The following ABCC8 variants were observed in gnomAD, a reference collection of about 807,000 sequenced individuals.
ABCC8 encodes the protein ATP-binding cassette sub-family C member 8.
A neutral mutation model predicts 188.0 loss-of-function variants in ABCC8; 137 were observed. That is an observed-to-expected ratio of 0.73 (90% CI 0.63 to 0.84). ABCC8 has a LOEUF of 0.84. ABCC8 is among the 40% of genes least tolerant of loss of function. The probability of loss-of-function intolerance (pLI) is 0.00; values close to 1 mark genes in which losing one functional copy is unlikely to be tolerated. For synonymous variants in ABCC8, 797 were observed against 846.5 expected (o/e 0.94, Z 1.01); for missense variants, 1,750 against 2,072.7 (o/e 0.84, Z 3.02).
intron 16 of ABCC8, among the ~76,000 whole-genome samples, chr11:17,426,503 G>A (rs1955588876): frequency 1.3e-5 from 2 of 152,192 alleles, no homozygotes; most frequent in South Asian, 4.1e-4. Flanking sequence ...ACTGAGCCTG[G>A]GGTTCTGGCT....
rs202007743 is a variant in ABCC8 at position 17,461,828 on chromosome 11, G to A, written c.580-3C>T. The A allele has an allele frequency of 1.2e-6, 2 of 1,613,982 alleles. No homozygotes were observed. Among genetic ancestry groups the A allele is most frequent in the East Asian group, 2.2e-5 (1 of 44,874 alleles). On this transcript the variant is annotated splice_region_variant and splice_polypyrimidine_tract_variant and intron_variant, in intron 4 of 38. Coordinates refer to ENST00000389817, the MANE Select transcript of ABCC8 (RefSeq NM_000352.6). ...GGTGTCTTGAAGAAGATGTATCTCT[G>A]TGGGGCACATGGGCCATGGGGGATG...
intron 29 of ABCC8, among the ~76,000 whole-genome samples, chr11:17,400,796 C>T (rs1954201147): frequency 6.6e-6 from 1 of 152,192 alleles, no homozygotes; most frequent in Non-Finnish European, 1.5e-5. Context: ...TGTGGCGATT[C>T]GTACCTATGT....
intron 11 of ABCC8, among the ~76,000 whole-genome samples, chr11:17,431,317 C>T (rs1347786094): frequency 6.6e-6 from 1 of 152,216 alleles, no homozygotes; most frequent in Non-Finnish European, 1.5e-5. Context: ...ATCGGGATAA[C>T]GTAAACAGAG....
intron 12 of ABCC8, 79 bp downstream of exon 12, chr11:17,430,735 T>C: frequency 1.3e-6 from 2 of 1,494,108 alleles, no homozygotes; most frequent in South Asian, 2.3e-5. Context: ...ACAGCTGTGG[T>C]TTGGCCATCA....
At chr11:17,437,824 C>A (rs1003078625) in intron 10 of ABCC8, among the ~76,000 whole-genome samples, 13 of 152,246 alleles carry the variant, frequency 8.5e-5, no homozygotes, top group African/African-American at 3.1e-4. Flanking sequence ...TCAGGCCAGG[C>A]ACAGTGGCTC....
chr11:17,433,942 G>A (rs184093966), intron 10 of ABCC8, among the ~76,000 whole-genome samples: 156 of 152,280 alleles, frequency 1.0e-3, no homozygotes, highest in African/African-American at 3.7e-3. Context: ...CACCGTTTCC[G>A]GCAGGAAACA....
chr11:17,428,089 T>C, intron 14 of ABCC8, 147 bp from the exon 15 acceptor site: 2 of 1,583,820 alleles, frequency 1.3e-6, no homozygotes, highest in South Asian at 1.1e-5. Flanking sequence ...AGTGGGAGAC[T>C]GGCCTTCTCA....
chr11:17,401,518 G>A (rs1396989139), intron 29 of ABCC8, among the ~76,000 whole-genome samples: 1 of 152,182 alleles, frequency 6.6e-6, no homozygotes, highest in Non-Finnish European at 1.5e-5. Context: ...GGGGTTGGGG[G>A]GAGGAGATGT....
chr11:17,402,481 G>T (rs1249422604), intron 29 of ABCC8, among the ~76,000 whole-genome samples, 180 bp downstream of exon 29: 2 of 152,164 alleles, frequency 1.3e-5, no homozygotes, highest in African/African-American at 4.8e-5. Context: ...ACATTCAGTG[G>T]GAGCCCACCT....
chr11:17,473,587 C>T (rs571883277), intron 2 of ABCC8, among the ~76,000 whole-genome samples: 2 of 152,180 alleles, frequency 1.3e-5, no homozygotes, highest in Admixed American at 6.5e-5. Context: ...TATCCCTCTC[C>T]TCCACCACTC....
intron 10 of ABCC8, among the ~76,000 whole-genome samples, chr11:17,433,661 T>C (rs1371969187): frequency 6.6e-6 from 1 of 151,496 alleles, no homozygotes. Context: ...CCCTTAGGAG[T>C]TCTCAAGCAG....
chr11:17,440,269 T>A (rs1033843572), intron 10 of ABCC8, among the ~76,000 whole-genome samples: 1 of 152,146 alleles, frequency 6.6e-6, no homozygotes, highest in Non-Finnish European at 1.5e-5. Flanking sequence ...AGAAGCCCTC[T>A]CCCACCTCGG....
At chr11:17,424,807 G>C (rs1955509978) in intron 16 of ABCC8, among the ~76,000 whole-genome samples, 1 of 152,214 alleles carries the variant, frequency 6.6e-6, no homozygotes, top group Non-Finnish European at 1.5e-5. Context: ...TTGAGGGAAA[G>C]AACATGGGCA....
At position 17,406,871 on chromosome 11, in the gene ABCC8, T is replaced by G; in HGVS notation, c.3162+17A>C. ...CCATCCCCACTCCCAACCTCTGCCA[T>G]GGGCCGCCAGTCACACCTGGCTGAG... is the stretch of plus-strand genomic sequence containing the variant. On this transcript the variant is annotated intron_variant, in intron 25 of 38. Transcript: ENST00000389817. The G allele has an allele frequency of 6.2e-7, 1 of 1,614,102 alleles. No homozygotes were observed. Among genetic ancestry groups the G allele is most frequent in the Non-Finnish European group, 8.5e-7 (1 of 1,180,042 alleles).
chr11:17,453,063 A>G, intron 7 of ABCC8, 56 bp downstream of exon 7: 3 of 1,406,218 alleles, frequency 2.1e-6, no homozygotes, highest in Non-Finnish European at 3.0e-6. Context: ...ACACTCATGG[A>G]CATTATTCCT....
intron 10 of ABCC8, chr11:17,432,485 C>G: frequency 2.6e-6 from 2 of 764,010 alleles, no homozygotes; most frequent in Non-Finnish European, 4.0e-6. Flanking sequence ...TAAGTCACTC[C>G]GTGTGGACAG....
In ABCC8 at chr11:17,394,309, A is replaced by T; in HGVS notation, c.4502T>A (p.Ile1501Asn). The change falls in exon 37 of 39, where the codon ATC becomes AAC. Residue 1501 changes from isoleucine to asparagine, a missense_variant. By Grantham distance (149) the Ile-to-Asn change is moderately radical. Coordinates refer to ENST00000389817, the MANE Select transcript of ABCC8 (RefSeq NM_000352.6). ...AGCCGTGGCCTCGTCCATGATGAAG[A>T]TGCTGGTCTTCCTCACGAAGGCCCG... ...LARAFVRKTS[I>N]FIMDEATASI... 1 of 1,613,980 alleles carries T rather than the reference A, an allele frequency of 6.2e-7. No homozygotes were observed.
intron 16 of ABCC8, among the ~76,000 whole-genome samples, chr11:17,425,952 T>C (rs1955563374): frequency 6.6e-6 from 1 of 152,074 alleles, no homozygotes; most frequent in African/African-American, 2.4e-5. Flanking sequence ...TTTCTGTTCC[T>C]GTGTGAGTTT....
intron 2 of ABCC8, 47 bp from the exon 3 acceptor site, chr11:17,470,269 T>G (rs769720930): frequency 1.9e-6 from 3 of 1,612,658 alleles, no homozygotes; most frequent in Non-Finnish European, 8.5e-7. Flanking sequence ...TGCTAAGTAC[T>G]GCAATAGAGC....
Sources: gnomAD v4.1 joint callset for allele counts (sites outside exome capture counted in the v4.1 genomes callset) on GRCh38, gnomAD v4.1.1 for gene constraint, MANE v1.5 for transcripts, NCBI Gene and HGNC (gene_info 2026-07-23, HGNC 2026-07-21) for gene names.